SLC25A38: variants seen among roughly 807,000 people sequenced by gnomAD.
SLC25A38 encodes the protein mitochondrial glycine transporter.
SLC25A38 carries 27 observed loss-of-function variants against 33.4 expected under a neutral mutation model. That is an observed-to-expected ratio of 0.81 (90% CI 0.60 to 1.11). The LOEUF (loss-of-function observed/expected upper bound fraction) is 1.11. SLC25A38 is among the 50% of genes most tolerant of loss of function. The pLI, the probability that SLC25A38 is intolerant of heterozygous loss-of-function variation, is 0.00. For missense variants in SLC25A38, 344 were observed against 388.8 expected (o/e 0.88, Z 0.97); for synonymous variants, 123 against 145.9 (o/e 0.84, Z 1.13).
chr3:39,390,332 C>T, intron 2 of SLC25A38, 91 bp from the exon 3 acceptor site: 2 of 1,275,592 alleles, frequency 1.6e-6, no homozygotes, highest in East Asian at 4.6e-5. Flanking sequence ...AAAAATGAGT[C>T]TATAAAGGAA....
rs2041838695 is a variant in SLC25A38 at position 39,396,981 on chromosome 3, G to C, written c.*461G>C. 3.9e-6 allele frequency: 1 copy of C among 257,646 alleles called. No homozygotes were observed. Among genetic ancestry groups the C allele is most frequent in the Admixed American group, 4.9e-5 (1 of 20,580 alleles). The allele number at this position is 257,646 out of a possible 1,614,324, so 16.0% of individuals were successfully genotyped here. A position where few individuals can be genotyped will look rare whatever the true frequency, so the allele number is the denominator to read the frequency against. On this transcript the variant is annotated 3_prime_UTR_variant, in exon 7 of 7. Transcript: ENST00000650617. ...GAGGAGTCACTGTCACCAGGTCACA[G>C]ACTGACTGAGGTGATGGTAGGATGA...
intron 2 of SLC25A38, among the ~76,000 whole-genome samples, 189 bp from the exon 3 acceptor site, chr3:39,390,234 C>A (rs1300807132): frequency 3.3e-5 from 5 of 152,228 alleles, no homozygotes; most frequent in Non-Finnish European, 7.3e-5. Context: ...AGCCACTGCA[C>A]CCAGCCTCTA....
intron 4 of SLC25A38, 76 bp from the exon 5 acceptor site, chr3:39,391,777 T>C: frequency 1.2e-6 from 2 of 1,607,712 alleles, no homozygotes; most frequent in East Asian, 2.2e-5. Flanking sequence ...TAATGCCCCA[T>C]AACCTGCAGT....
chr3:39,383,635 C>T lies in SLC25A38; in HGVS notation c.-90C>T, dbSNP rs1197869256. The stretch of plus-strand genomic sequence containing the variant: ...AAAGCGCGTCGCCTGGCTAGCGCCA[C>T]CCCCTAGCCTTCTTCAAGGCCTCCA... On this transcript the variant is annotated 5_prime_UTR_variant, in exon 1 of 7. Coordinates refer to ENST00000650617, the MANE Select transcript of SLC25A38 (RefSeq NM_017875.4). 2 of 1,470,434 alleles carry T rather than the reference C, an allele frequency of 1.4e-6. No individual in the cohort carries two copies. Among genetic ancestry groups the T allele is most frequent in the African/African-American group, 1.4e-5 (1 of 71,902 alleles). 91.1% of individuals were successfully genotyped at this position (1,470,434 alleles called of 1,614,324 possible). A position where few individuals can be genotyped will look rare whatever the true frequency, so the allele number is the denominator to read the frequency against.
At chr3:39,393,761 A>T (rs2041801279) in intron 5 of SLC25A38, among the ~76,000 whole-genome samples, 6 of 152,200 alleles carry the variant, frequency 3.9e-5, no homozygotes. Flanking sequence ...GGCCTCCGAA[A>T]GTGTTGGGAT....
chr3:39,389,604 C>T lies in SLC25A38; in HGVS notation c.179C>T (p.Pro60Leu). Residue 60 changes from proline to leucine, a missense_variant, in exon 2 of 7, where the codon CCC (proline) becomes CTC (leucine). Pro to Leu is a moderately conservative substitution (Grantham distance 98). This residue lies in a region of SLC25A38 where 269 missense variants were observed against 271.8 expected (regional missense o/e 0.99). Coordinates refer to ENST00000650617, the MANE Select transcript of SLC25A38 (RefSeq NM_017875.4). This position sits in a 1 kb window ranked among gnomAD's most constrained non-coding sequence, Gnocchi z 4.5. ...LLKTRLQTLQ[P>L]SDHGSRRVGM... ...AAAACACGCCTGCAAACCCTCCAGC[C>T]CTCAGATCATGGGTAGGCCCTGCAT... 6.2e-7 allele frequency: 1 copy of T among 1,614,190 alleles called. No individual in the cohort carries two copies. The highest frequency in any genetic ancestry group is 8.5e-7 in the Non-Finnish European group (1 of 1,180,042).
rs370977005 is a variant in SLC25A38 at position 39,383,500 on chromosome 3, G to A, written c.-225G>A. On this transcript the variant is annotated 5_prime_UTR_variant, in exon 1 of 7. Coordinates refer to ENST00000650617, the MANE Select transcript of SLC25A38 (RefSeq NM_017875.4). ...GTCTGCGGCGCGGGTGAAGAGCGGCGCGTAATTCCCGCAGCAAGATTGTTC... is the reference window on the plus strand; with the variant it reads ...GTCTGCGGCGCGGGTGAAGAGCGGCACGTAATTCCCGCAGCAAGATTGTTC... 416 of 584,178 alleles carry A rather than the reference G, an allele frequency of 7.1e-4. No homozygotes were observed. Among genetic ancestry groups the A allele is most frequent in the South Asian group, 1.8e-3 (92 of 50,132 alleles). The allele number at this position is 584,178 out of a possible 1,614,324, so 36.2% of individuals were successfully genotyped here.
intron 5 of SLC25A38, among the ~76,000 whole-genome samples, chr3:39,392,489 C>T (rs540640398): frequency 8.9e-4 from 136 of 152,034 alleles, no homozygotes; most frequent in African/African-American, 3.2e-3. Context: ...TTTTCATCTC[C>T]CTTGCTGTGT....
chr3:39,392,445 C>A (rs1396101216), intron 5 of SLC25A38, among the ~76,000 whole-genome samples: 1 of 152,014 alleles, frequency 6.6e-6, no homozygotes, highest in Non-Finnish European at 1.5e-5. Context: ...GTCAGGGAAA[C>A]AGTAGTAAGT....
intron 1 of SLC25A38, among the ~76,000 whole-genome samples, chr3:39,388,635 ATTTG>A (rs1395409769): frequency 1.3e-5 from 2 of 152,120 alleles, no homozygotes; most frequent in African/African-American, 2.4e-5. Flanking sequence ...GAAGATAGCT[ATTTG>A]TTTATTTATT....
At chr3:39,393,648 T>C (rs1046046292) in intron 5 of SLC25A38, among the ~76,000 whole-genome samples, 5 of 152,138 alleles carry the variant, frequency 3.3e-5, no homozygotes, top group African/African-American at 1.2e-4. Flanking sequence ...TACAGGTGCA[T>C]GCCACCATGC....
Position 39,396,664 on chromosome 3 carries a change from C to G in SLC25A38, c.*144C>G. 1 of 1,317,576 alleles carries G rather than the reference C, an allele frequency of 7.6e-7. No homozygotes were observed. The highest frequency in any genetic ancestry group is 1.1e-6 in the Non-Finnish European group (1 of 931,586). 81.6% of individuals were successfully genotyped at this position (1,317,576 alleles called of 1,614,324 possible). On this transcript the variant is annotated 3_prime_UTR_variant, in exon 7 of 7. Transcript: ENST00000650617. ...GTGTTGCCTTTGCCTTCAGTAATCCCCTTAAGGAGAAAATATATGGACCTG... is the reference window on the plus strand; with the variant it reads ...GTGTTGCCTTTGCCTTCAGTAATCCGCTTAAGGAGAAAATATATGGACCTG...
In SLC25A38 at chr3:39,384,488, G is replaced by A. The variant is rs539260029; in HGVS notation, c.69+695G>A. ...CGCAGCTCTCCCTCTGAGGTCTTGC[G>A]CCCGAGGTAGGGGCGGCTTTTATTT... On this transcript the variant is annotated intron_variant, in intron 1 of 6. Coordinates refer to ENST00000650617, the MANE Select transcript of SLC25A38 (RefSeq NM_017875.4). 1.8e-5 allele frequency: 7 copies of A among 385,902 alleles called. No individual in the cohort carries two copies. In the East Asian group the frequency reaches 2.6e-4, roughly 14 times the overall value. 23.9% of individuals were successfully genotyped at this position (385,902 alleles called of 1,614,324 possible). A position where few individuals can be genotyped will look rare whatever the true frequency, so the allele number is the denominator to read the frequency against.
intron 1 of SLC25A38, chr3:39,384,365 T>TGGAGGC (rs1249953436): frequency 3.7e-6 from 1 of 273,060 alleles, no homozygotes; most frequent in Non-Finnish European, 6.8e-6. Context: ...CCGCTATTGG[T>TGGAGGC]GGAGGCGGAG....
intron 1 of SLC25A38, among the ~76,000 whole-genome samples, chr3:39,386,922 G>C (rs528310517): frequency 2.0e-5 from 3 of 152,224 alleles, no homozygotes; most frequent in Non-Finnish European, 2.9e-5. Context: ...ATCTGAGTAC[G>C]TGGCTGTGTG....
chr3:39,385,891 T>TCA (rs1461994873), intron 1 of SLC25A38, among the ~76,000 whole-genome samples: 2 of 152,112 alleles, frequency 1.3e-5, no homozygotes, highest in Non-Finnish European at 2.9e-5. Context: ...TAACAACATG[T>TCA]CAGAGTTTTC....
chr3:39,384,527 T>A, intron 1 of SLC25A38: 16 of 374,210 alleles, frequency 4.3e-5, no homozygotes, highest in South Asian at 1.4e-4. Context: ...TTTTTAATCC[T>A]TAAAGGCGGA....
At chr3:39,392,226 C>T (rs570194810) in intron 5 of SLC25A38, among the ~76,000 whole-genome samples, 1 of 114,980 alleles carries the variant, frequency 8.7e-6, no homozygotes, top group East Asian at 3.0e-4. Context: ...TTAAGGCAAA[C>T]AGTATTTACA....
intron 1 of SLC25A38, 53 bp downstream of exon 1, chr3:39,383,846 C>A (rs1268313330): frequency 4.2e-5 from 67 of 1,597,896 alleles, no homozygotes; most frequent in Non-Finnish European, 5.7e-5. Flanking sequence ...GGGCTCGGGC[C>A]GGAGAATTCG....
Sources: gnomAD v4.1 joint callset for allele counts (sites outside exome capture counted in the v4.1 genomes callset) on GRCh38, gnomAD v4.1.1 for gene constraint, gnomAD v4.1.1 regional missense constraint, Gnocchi (gnomAD v3.1) non-coding constraint, MANE v1.5 for transcripts, NCBI Gene and HGNC (gene_info 2026-07-23, HGNC 2026-07-21) for gene names.